Variants in SNX29 observed in about 807,000 individuals in gnomAD.
SNX29 encodes the protein sorting nexin-29.
Under a neutral mutation model 102.1 loss-of-function variants are expected in SNX29, and 78 were observed. The observed-to-expected ratio is 0.76, with a 90% CI of 0.64 to 0.92. The LOEUF (loss-of-function observed/expected upper bound fraction) is 0.92, where lower values mean the gene tolerates loss of function less well. Among genes scored for constraint, SNX29 ranks in the 40% least tolerant of loss-of-function variants. The pLI is 0.00. For synonymous variants in SNX29, 580 were observed against 414.5 expected, an observed-to-expected ratio of 1.40 and a Z score of -4.85; for missense variants, 1,280 against 1,061.7, an observed-to-expected ratio of 1.21 and a Z score of -2.86.
intron 4 of SNX29, among the ~76,000 whole-genome samples, chr16:12,041,000 C>T (rs1026565608): frequency 2.0e-5 from 3 of 151,876 alleles, no homozygotes; most frequent in Non-Finnish European, 4.4e-5. Context: ...TTAGTAGAGA[C>T]AGGGTTTCAC....
chr16:12,471,904 C>A (rs1288854882), intron 18 of SNX29, among the ~76,000 whole-genome samples: 1 of 152,222 alleles, frequency 6.6e-6, no homozygotes, highest in Non-Finnish European at 1.5e-5. Flanking sequence ...GACATTCTAC[C>A]ATGTTTTCTC....
At chr16:12,555,967 C>T (rs7203679) in intron 20 of SNX29, among the ~76,000 whole-genome samples, 66 of 150,706 alleles carry the variant, frequency 4.4e-4, no homozygotes, top group African/African-American at 1.6e-3. Context: ...ACACCATCTG[C>T]GTGGCTTTCA....
intron 19 of SNX29, among the ~76,000 whole-genome samples, chr16:12,498,396 G>A (rs1044073227): frequency 1.3e-5 from 2 of 150,996 alleles, no homozygotes; most frequent in African/African-American, 4.9e-5. Flanking sequence ...AACTGGTTTG[G>A]CATTTAAAAA....
chr16:12,499,679 C>A (rs2089011785), intron 19 of SNX29, among the ~76,000 whole-genome samples: 1 of 152,112 alleles, frequency 6.6e-6, no homozygotes, highest in African/African-American at 2.4e-5. Flanking sequence ...TCATTTACTT[C>A]TTTATTTATT....
intron 19 of SNX29, among the ~76,000 whole-genome samples, chr16:12,499,319 G>GT (rs2088990985): frequency 1.3e-5 from 2 of 152,214 alleles, no homozygotes; most frequent in South Asian, 4.1e-4. Flanking sequence ...GAACATCACT[G>GT]TTTTTTGTTT....
At chr16:12,109,876 G>A (rs568250618) in intron 11 of SNX29, among the ~76,000 whole-genome samples, 66 of 152,228 alleles carry the variant, frequency 4.3e-4, no homozygotes, top group Admixed American at 1.2e-3. Flanking sequence ...GATTACAGGT[G>A]TGCACTACCA....
intron 16 of SNX29, among the ~76,000 whole-genome samples, chr16:12,392,817 A>T (rs2083576709): frequency 6.6e-6 from 1 of 152,234 alleles, no homozygotes; most frequent in Non-Finnish European, 1.5e-5. Context: ...TTTGTAAAGC[A>T]AATGAAAAAA....
chr16:12,191,767 A>G lies in SNX29; in HGVS notation c.1596-7834A>G, dbSNP rs1007090967. 4.8e-5 allele frequency among the ~76,000 whole-genome samples: 4 copies of G among 83,080 alleles called. No homozygotes were observed. In the East Asian group the frequency reaches 1.1e-3, roughly 23 times the overall value. 54.5% of individuals were successfully genotyped at this position (83,080 alleles called of 152,430 possible). On this transcript the variant is annotated intron_variant, in intron 13 of 20. Transcript: ENST00000566228. ...CAGTGAACTTGACCTTTGAAGATTT[A>G]GGATGTGGCTGCAAACACCACAAAG...
intron 10 of SNX29, among the ~76,000 whole-genome samples, chr16:12,075,991 T>C (rs2051546025): frequency 6.6e-6 from 1 of 152,240 alleles, no homozygotes; most frequent in African/African-American, 2.4e-5. Context: ...TATAATCTCC[T>C]CACGCGCTGT....
At chr16:12,533,658 A>G (rs1014790356) in intron 20 of SNX29, among the ~76,000 whole-genome samples, 2 of 152,180 alleles carry the variant, frequency 1.3e-5, no homozygotes, top group African/African-American at 4.8e-5. Context: ...GTGATCTTCC[A>G]GCATCAATAG....
intron 5 of SNX29, among the ~76,000 whole-genome samples, chr16:12,045,526 A>T (rs1433367833): frequency 1.3e-5 from 2 of 151,930 alleles, no homozygotes; most frequent in East Asian, 1.9e-4. Context: ...CCCAACTGCC[A>T]TCTATATTTG....
At chr16:12,435,123 G>A (rs760700182) in intron 18 of SNX29, among the ~76,000 whole-genome samples, 1 of 152,106 alleles carries the variant, frequency 6.6e-6, no homozygotes, top group Non-Finnish European at 1.5e-5. Context: ...ATTTGCAGCT[G>A]TTCTTCAGTT....
chr16:12,541,310 C>G (rs114557603), intron 20 of SNX29, among the ~76,000 whole-genome samples: 68 of 152,266 alleles, frequency 4.5e-4, no homozygotes, highest in African/African-American at 1.5e-3. Flanking sequence ...ATGGTCAGCC[C>G]TGATGGAGGA....
intron 20 of SNX29, among the ~76,000 whole-genome samples, chr16:12,561,585 C>A (rs1257923326): frequency 6.6e-6 from 1 of 152,192 alleles, no homozygotes; most frequent in African/African-American, 2.4e-5. Context: ...TTAATGTCAG[C>A]CGCATGCTGG....
rs560118395 is a variant in SNX29, at chr16:12,049,111, T to G, written c.748+491T>G. ...TGCTATGGGGAACATCTGCCATTGG[T>G]CTTGCCTCTGACTGGGGATGGCATT... On this transcript the variant is annotated intron_variant, in intron 7 of 20. Transcript: ENST00000566228. Among the ~76,000 whole-genome samples the G allele has an allele frequency of 1.8e-3, 274 of 152,242 alleles. 1 individual carries two copies. The highest frequency in any genetic ancestry group is 6.5e-4 in the Non-Finnish European group (44 of 68,022).
Position 12,545,291 on chromosome 16 carries a change from C to T in SNX29, c.2318+20450C>T, listed in dbSNP as rs117917128. On this transcript the variant is annotated intron_variant, in intron 20 of 20. Transcript: ENST00000566228. ...TTGAGAAATTGGTTTGCCACTTCGC[C>T]CTCTTTACATCTGGAAGACTCGCAT... Among the ~76,000 whole-genome samples the T allele has an allele frequency of 6.9e-3, 1,053 of 152,254 alleles. 8 individuals carry two copies. The highest frequency in any genetic ancestry group is 0.01 in the Middle Eastern group (3 of 294).
chr16:12,563,152 A>T lies in SNX29; in HGVS notation c.2319-5354A>T, dbSNP rs67581461. ...CGCCACACGTCCTCATCCCAGCTCC[A>T]GGGGGGGCAACTCTGGGCTCAGGGA... is the stretch of plus-strand genomic sequence containing the variant. On this transcript the variant is annotated intron_variant, in intron 20 of 20. Coordinates refer to ENST00000566228, the MANE Select transcript of SNX29 (RefSeq NM_032167.5). Among the ~76,000 whole-genome samples the T allele has an allele frequency of 8.9e-4, 135 of 151,834 alleles. 4 individuals carry two copies. The East Asian group carries it at 0.023, about 25-fold the overall frequency.
rs34325828 is a variant in SNX29 at position 12,550,531 on chromosome 16, C to CAA, written c.2319-17960_2319-17959dup. On this transcript the variant is annotated intron_variant, in intron 20 of 20. Coordinates refer to ENST00000566228, the MANE Select transcript of SNX29 (RefSeq NM_032167.5). ...GTCTGGGAGACACAGTCTCAATCTA[C>CAA]AAAAAAAAAAAAAAAACCAAACACC... Among the ~76,000 whole-genome samples, 443 of 108,158 alleles carry CAA rather than the reference C, an allele frequency of 4.1e-3. 3 individuals are homozygous for CAA. Among genetic ancestry groups the CAA allele is most frequent in the African/African-American group, 0.011 (374 of 33,930 alleles). The allele number at this position is 108,158 out of a possible 152,430, so 71.0% of individuals were successfully genotyped here. A position where few individuals can be genotyped will look rare whatever the true frequency, so the allele number is the denominator to read the frequency against.
chr16:12,370,969 C>T (rs930449995), intron 16 of SNX29, among the ~76,000 whole-genome samples: 6 of 152,208 alleles, frequency 3.9e-5, no homozygotes, highest in Admixed American at 3.9e-4. Context: ...GTGGGCACCA[C>T]CTTGGTATTA....
Sources: allele counts gnomAD v4.1 joint callset (sites outside exome capture counted in the v4.1 genomes callset), GRCh38; gene constraint gnomAD v4.1.1; transcripts MANE v1.5; gene names NCBI Gene and HGNC (gene_info 2026-07-23, HGNC 2026-07-21).